Variants in LMO4 observed in about 807,000 individuals in gnomAD.
LMO4 encodes LIM domain transcription factor LMO4.
A neutral mutation model predicts 18.5 loss-of-function variants in LMO4; 3 were observed. The ratio of observed to expected loss-of-function variants is 0.16; its 90% CI spans 0.07 to 0.42. The LOEUF is 0.42. LMO4 is among the 10% of genes least tolerant of loss of function. The probability of loss-of-function intolerance (pLI) is 0.99; values close to 1 mark genes in which losing one functional copy is unlikely to be tolerated. For missense variants in LMO4, 121 were observed against 219.9 expected, an observed-to-expected ratio of 0.55 and a Z score of 2.84; for synonymous variants, 100 against 88.1, an observed-to-expected ratio of 1.14 and a Z score of -0.76.
rs1293160273 is a variant in LMO4, at chr1:87,332,393, A to AG, written c.236+146dup. 4 of 652,710 alleles carry AG rather than the reference A, an allele frequency of 6.1e-6. No individual in the cohort carries two copies. In the East Asian group the frequency reaches 1.1e-4, roughly 18 times the overall value. 40.4% of individuals were successfully genotyped at this position (652,710 alleles called of 1,614,324 possible). A position where few individuals can be genotyped will look rare whatever the true frequency, so the allele number is the denominator to read the frequency against. ...AAAATCTTCTAGTTGGCGGAATTTA[A>AG]GGGGTTCAGGAAGCATGTGTTAGTC... On this transcript the variant is annotated intron_variant, in intron 2 of 4. Transcript: ENST00000370544.
Position 87,348,677 on chromosome 1 carries a change from G to A in LMO4, c.*3881G>A. On this transcript the variant is annotated 3_prime_UTR_variant, in exon 5 of 5. Coordinates refer to ENST00000370544, the MANE Select transcript of LMO4 (RefSeq NM_006769.4). Reference sequence around the variant, plus strand: ...GACAAGTCAGGGCTGATTTTTGGAAGGTGAACTTGCAACTTACCTCAAGTG... The same window carrying A: ...GACAAGTCAGGGCTGATTTTTGGAAAGTGAACTTGCAACTTACCTCAAGTG... 2.0e-6 allele frequency: 1 copy of A among 492,754 alleles called. No homozygotes were observed. Among genetic ancestry groups the A allele is most frequent in the South Asian group, 1.5e-5 (1 of 67,900 alleles). The allele number at this position is 492,754 out of a possible 1,614,324, so 30.5% of individuals were successfully genotyped here.
chr1:87,330,674 G>A (rs1650112362), intron 1 of LMO4, among the ~76,000 whole-genome samples: 1 of 152,182 alleles, frequency 6.6e-6, no homozygotes, highest in Non-Finnish European at 1.5e-5. Context: ...GCCGGGTACA[G>A]GCAAAGTTCG....
chr1:87,335,044 G>T (rs1345442370), intron 2 of LMO4, among the ~76,000 whole-genome samples: 1 of 151,010 alleles, frequency 6.6e-6, no homozygotes, highest in Non-Finnish European at 1.5e-5. Context: ...TGAAGGGGGG[G>T]GGGTTGTAGA....
Position 87,345,492 on chromosome 1 carries a change from A to G in LMO4, c.*696A>G, listed in dbSNP as rs527253088. 1 of 124,964 alleles carries G rather than the reference A, an allele frequency of 8.0e-6. No homozygotes were observed. The highest frequency in any genetic ancestry group is 3.9e-5 in the African/African-American group (1 of 25,786). The allele number at this position is 124,964 out of a possible 1,614,324, so 7.7% of individuals were successfully genotyped here. On this transcript the variant is annotated 3_prime_UTR_variant, in exon 5 of 5. Transcript: ENST00000370544. ...CCTACTTCTAATTTGCTGAATGAAG[A>G]AAAAAAAAAATCTTTTATTTGTGAT...
intron 1 of LMO4, 160 bp from the exon 2 acceptor site, chr1:87,331,850 TTCC>T: frequency 3.4e-6 from 2 of 596,238 alleles, no homozygotes; most frequent in Admixed American, 3.1e-5. Context: ...GCCTCCCTTC[TTCC>T]CTCTCCCCCT....
intron 2 of LMO4, 132 bp downstream of exon 2, chr1:87,332,383 G>C (rs1650182776): frequency 2.9e-6 from 2 of 688,664 alleles, no homozygotes; most frequent in Non-Finnish European, 5.0e-6. Flanking sequence ...CTTCTAGTTG[G>C]CGGAATTTAA....
rs1650676896 is a variant in LMO4 at position 87,347,811 on chromosome 1, A to G, written c.*3015A>G. ...TCTAATTAGATTTACACATCCCGCA[A>G]GGCAGGGGAGCCTGAAGCTTTTCCA... On this transcript the variant is annotated 3_prime_UTR_variant, in exon 5 of 5. Transcript: ENST00000370544. 2 of 152,226 alleles carry G rather than the reference A, an allele frequency of 1.3e-5. No individual in the cohort carries two copies. Among genetic ancestry groups the G allele is most frequent in the South Asian group, 4.1e-4 (2 of 4,832 alleles). 9.4% of individuals were successfully genotyped at this position (152,226 alleles called of 1,614,324 possible).
At chr1:87,333,535 G>A (rs531147805) in intron 2 of LMO4, among the ~76,000 whole-genome samples, 2 of 152,136 alleles carry the variant, frequency 1.3e-5, no homozygotes, top group African/African-American at 2.4e-5. Context: ...GTGCAGTTCC[G>A]AGCTGAGTGT....
At chr1:87,331,962 C>A in intron 1 of LMO4, 51 bp from the exon 2 acceptor site, 1 of 1,428,144 alleles carries the variant, frequency 7.0e-7, no homozygotes, top group Non-Finnish European at 9.7e-7. Context: ...CTAACTTTTG[C>A]ATCGCCCCTG....
intron 4 of LMO4, among the ~76,000 whole-genome samples, chr1:87,341,424 C>G (rs983524428): frequency 3.3e-5 from 5 of 152,008 alleles, no homozygotes; most frequent in African/African-American, 1.2e-4. Context: ...ATAGGAACTT[C>G]ATTAATGTCT....
At chr1:87,339,673 ATACCTTTCC>A (rs1327490295) in intron 3 of LMO4, 41 bp downstream of exon 3, 1 of 1,301,794 alleles carries the variant, frequency 7.7e-7, no homozygotes, top group South Asian at 1.2e-5. Context: ...AAAAAAAATC[ATACCTTTCC>A]TACCTACATG....
At chr1:87,340,766 T>TA (rs1237581977) in intron 4 of LMO4, among the ~76,000 whole-genome samples, 2 of 152,228 alleles carry the variant, frequency 1.3e-5, no homozygotes, top group Non-Finnish European at 2.9e-5. Context: ...TTGAATAAGT[T>TA]ATGGCTTTTA....
intron 2 of LMO4, among the ~76,000 whole-genome samples, chr1:87,337,651 C>T (rs1285703403): frequency 6.6e-6 from 1 of 152,170 alleles, no homozygotes; most frequent in African/African-American, 2.4e-5. Context: ...TTTATTTTTA[C>T]CCAAATTGTT....
intron 2 of LMO4, among the ~76,000 whole-genome samples, chr1:87,338,257 T>G (rs756369219): frequency 2.0e-5 from 3 of 152,194 alleles, no homozygotes; most frequent in Non-Finnish European, 4.4e-5. Context: ...ATCATTCAGA[T>G]TATGGGGTGT....
At chr1:87,335,293 G>C (rs951249086) in intron 2 of LMO4, among the ~76,000 whole-genome samples, 1 of 152,166 alleles carries the variant, frequency 6.6e-6, no homozygotes, top group Non-Finnish European at 1.5e-5. Flanking sequence ...AGGAAGTTCG[G>C]AGACCGGCGG....
chr1:87,331,358 CCCACCCCTCCCGTCACCTTG>C (rs1358972995), intron 1 of LMO4: 1 of 152,366 alleles, frequency 6.6e-6, no homozygotes, highest in Non-Finnish European at 1.5e-5. Flanking sequence ...ACACACTGCA[CCCACCCCTCCCGTCACCTTG>C]CCTTCCCTCC....
At chr1:87,330,006 T>C (rs1650088534) in intron 1 of LMO4, among the ~76,000 whole-genome samples, 2 of 131,408 alleles carry the variant, frequency 1.5e-5, no homozygotes, top group Admixed American at 7.5e-5. Flanking sequence ...AAAGCTTTCT[T>C]TTTTTTTTTT....
intron 1 of LMO4, 37 bp downstream of exon 1, chr1:87,329,281 G>A (rs2100771016): frequency 6.6e-6 from 1 of 152,468 alleles, no homozygotes; most frequent in Non-Finnish European, 1.5e-5. Context: ...GCCGGGAGGT[G>A]GGAGAGGGAG....
chr1:87,332,643 G>A (rs771261046), intron 2 of LMO4, among the ~76,000 whole-genome samples: 1 of 152,200 alleles, frequency 6.6e-6, no homozygotes, highest in Non-Finnish European at 1.5e-5. Context: ...AGAAACAAAG[G>A]TTGACTTAAA....
Sources: gnomAD v4.1 joint callset for allele counts (sites outside exome capture counted in the v4.1 genomes callset) on GRCh38, gnomAD v4.1.1 for gene constraint, MANE v1.5 for transcripts, NCBI Gene and HGNC (gene_info 2026-07-23, HGNC 2026-07-21) for gene names.